CWF19L2: variants seen among roughly 807,000 people sequenced by gnomAD.
CWF19L2 encodes CWF19 like cell cycle control factor 2.
In CWF19L2, 98 loss-of-function variants were observed where a neutral mutation model predicts 111.7. The ratio of observed to expected loss-of-function variants is 0.88; its 90% confidence interval spans 0.75 to 1.04. CWF19L2 has a LOEUF of 1.04. Among genes scored for constraint, CWF19L2 ranks in the 50% least tolerant of loss-of-function variants. The probability of loss-of-function intolerance (pLI) is 0.00; values close to 1 mark genes in which losing one functional copy is unlikely to be tolerated. For missense variants in CWF19L2, 1,101 were observed against 1,051.4 expected (o/e 1.05, Z -0.65); for synonymous variants, 351 against 342.9 (o/e 1.02, Z -0.26).
intron 12 of CWF19L2, among the ~76,000 whole-genome samples, chr11:107,360,603 C>A (rs1361918213): frequency 1.3e-5 from 2 of 152,230 alleles, no homozygotes; most frequent in African/African-American, 4.8e-5. Context: ...TTCCCCACAA[C>A]AGTGCATAAG....
intron 4 of CWF19L2, among the ~76,000 whole-genome samples, chr11:107,442,281 T>G (rs934785285): frequency 4.6e-5 from 7 of 152,182 alleles, no homozygotes; most frequent in Non-Finnish European, 1.5e-5. Context: ...CCAAAATTAT[T>G]CCTAAAGTAT....
intron 15 of CWF19L2, among the ~76,000 whole-genome samples, chr11:107,336,216 A>G (rs1859921291): frequency 1.3e-5 from 2 of 151,628 alleles, no homozygotes; most frequent in African/African-American, 2.4e-5. Flanking sequence ...GTGCCATCAC[A>G]GCTTACTGCA....
chr11:107,358,033 A>T (rs1860264395), intron 12 of CWF19L2, among the ~76,000 whole-genome samples: 1 of 152,216 alleles, frequency 6.6e-6, no homozygotes, highest in African/African-American at 2.4e-5. Context: ...AAACTAAATG[A>T]CAGTGAGTTA....
chr11:107,413,126 T>C (rs1405422764), intron 10 of CWF19L2, among the ~76,000 whole-genome samples: 1 of 152,146 alleles, frequency 6.6e-6, no homozygotes, highest in African/African-American at 2.4e-5. Context: ...CTATAGACTT[T>C]GGGTGATACA....
intron 13 of CWF19L2, among the ~76,000 whole-genome samples, chr11:107,351,408 A>AG (rs1860154621): frequency 6.6e-6 from 1 of 152,186 alleles, no homozygotes; most frequent in Non-Finnish European, 1.5e-5. Flanking sequence ...GTAAAGGTGG[A>AG]GACGGGTATT....
At chr11:107,456,264 T>G (rs753778287) in intron 1 of CWF19L2, among the ~76,000 whole-genome samples, 2 of 152,212 alleles carry the variant, frequency 1.3e-5, no homozygotes, top group Non-Finnish European at 2.9e-5. Flanking sequence ...CATTCTTCAA[T>G]GATAGTCAAA....
At chr11:107,395,072 C>A (rs575744153) in intron 10 of CWF19L2, among the ~76,000 whole-genome samples, 1 of 152,282 alleles carries the variant, frequency 6.6e-6, no homozygotes, top group South Asian at 2.1e-4. Context: ...CATGTCCCCA[C>A]CCAAATCTCA....
chr11:107,397,209 C>T (rs1290774868), intron 10 of CWF19L2, among the ~76,000 whole-genome samples: 4 of 152,160 alleles, frequency 2.6e-5, no homozygotes, highest in African/African-American at 4.8e-5. Context: ...ACAGACTTCA[C>T]AGGCAGGGTA....
At chr11:107,445,872 C>T (rs536728888) in intron 3 of CWF19L2, among the ~76,000 whole-genome samples, 1 of 152,188 alleles carries the variant, frequency 6.6e-6, no homozygotes, top group Non-Finnish European at 1.5e-5. Flanking sequence ...TAATGTACTT[C>T]CCATGCTAGA....
intron 10 of CWF19L2, among the ~76,000 whole-genome samples, chr11:107,394,626 T>C (rs1250298463): frequency 1.3e-5 from 2 of 152,202 alleles, no homozygotes; most frequent in East Asian, 3.8e-4. Flanking sequence ...GAAATATCTA[T>C]TTAATCTTAG....
At chr11:107,370,578 G>GA (rs1860493512) in intron 12 of CWF19L2, among the ~76,000 whole-genome samples, 1 of 135,570 alleles carries the variant, frequency 7.4e-6, no homozygotes, top group African/African-American at 3.0e-5. Context: ...CATGGCCTGG[G>GA]AAAAGAGAAG....
intron 12 of CWF19L2, among the ~76,000 whole-genome samples, chr11:107,361,439 G>A (rs1860334289): frequency 1.3e-5 from 2 of 152,052 alleles, no homozygotes; most frequent in South Asian, 4.2e-4. Flanking sequence ...TTTTGCTTAG[G>A]ATTTCTTTGG....
chr11:107,446,657 T>A (rs74336746), intron 3 of CWF19L2, among the ~76,000 whole-genome samples: 1,547 of 152,284 alleles, frequency 0.01, 21 homozygotes, highest in African/African-American at 0.036. Flanking sequence ...AAATATATTT[T>A]TATATTCCCC....
intron 12 of CWF19L2, among the ~76,000 whole-genome samples, chr11:107,358,609 T>C (rs1860274757): frequency 6.6e-6 from 1 of 152,240 alleles, no homozygotes; most frequent in South Asian, 2.1e-4. Context: ...AAAAAAACAC[T>C]ATTCTATGAT....
chr11:107,330,782 C>G (rs1485373855), intron 16 of CWF19L2, among the ~76,000 whole-genome samples: 1 of 141,664 alleles, frequency 7.1e-6, no homozygotes, highest in African/African-American at 2.7e-5. Flanking sequence ...TGCTTCAAAG[C>G]CCAAACTTTG....
chr11:107,433,606 G>A, intron 7 of CWF19L2, 28 bp downstream of exon 7: 1 of 1,053,170 alleles, frequency 9.5e-7, no homozygotes. Flanking sequence ...CTGAAAATAA[G>A]AGGCATCTCC....
intron 7 of CWF19L2, among the ~76,000 whole-genome samples, chr11:107,429,763 G>A (rs918150628): frequency 2.0e-5 from 3 of 147,732 alleles, no homozygotes; most frequent in African/African-American, 7.5e-5. Context: ...ATTCCTACTG[G>A]TTGTGAGATT....
chr11:107,405,084 G>A (rs897733597), intron 10 of CWF19L2, among the ~76,000 whole-genome samples: 5 of 152,312 alleles, frequency 3.3e-5, no homozygotes, highest in African/African-American at 7.2e-5. Flanking sequence ...ATAAGCTGAG[G>A]ATGGTCTTTA....
In CWF19L2 at chr11:107,416,277, C is replaced by T; in HGVS notation, c.1549G>A (p.Val517Ile). 6.8e-7 allele frequency: 1 copy of T among 1,472,454 alleles called. No individual in the cohort carries two copies. Among genetic ancestry groups the T allele is most frequent in the Admixed American group, 2.3e-5 (1 of 43,536 alleles). The allele number at this position is 1,472,454 out of a possible 1,614,324, so 91.2% of individuals were successfully genotyped here. ...GNMELAEQLK[V>I]QLEKANKFKE... ...AATTTATTTGCCTTTTCAAGTTGAA[C>T]TTTAAGTTGTTCAGCTAATTCCTTC... The change falls in exon 10 of 18, where the codon GTT (valine) becomes ATT (isoleucine). Residue 517 changes from valine (V) to isoleucine (I), a missense_variant. Physicochemically the swap from Val to Ile is conservative, Grantham distance 29. Transcript: ENST00000282251.
Sources: gnomAD v4.1 joint callset for allele counts (sites outside exome capture counted in the v4.1 genomes callset) on GRCh38, gnomAD v4.1.1 for gene constraint, MANE v1.5 for transcripts, NCBI Gene and HGNC (gene_info 2026-07-23, HGNC 2026-07-21) for gene names.